Variants in WDFY3 observed in about 807,000 individuals in gnomAD.
The protein encoded by WDFY3 is WD repeat and FYVE domain-containing protein 3.
Under a neutral mutation model 409.6 loss-of-function variants are expected in WDFY3, and 66 were observed. The observed-to-expected ratio is 0.16, with a 90% CI of 0.13 to 0.20. WDFY3 has a LOEUF of 0.20. Ranked by LOEUF, WDFY3 falls within the 10% of genes least tolerant of loss-of-function variation. The pLI, the probability that WDFY3 is intolerant of heterozygous loss-of-function variation, is 1.00. For missense variants in WDFY3, 3,031 were observed against 4,298.1 expected (o/e 0.71, Z 8.24); for synonymous variants, 1,521 against 1,537.1 (o/e 0.99, Z 0.25).
intron 6 of WDFY3, among the ~76,000 whole-genome samples, chr4:84,839,745 C>T (rs977606142): frequency 6.6e-6 from 1 of 151,984 alleles, no homozygotes; most frequent in Non-Finnish European, 1.5e-5. Context: ...GTAATCCCAG[C>T]TACTCGGGAG....
At chr4:84,871,218 C>T (rs1454241326) in intron 3 of WDFY3, among the ~76,000 whole-genome samples, 1 of 151,986 alleles carries the variant, frequency 6.6e-6, no homozygotes, top group Non-Finnish European at 1.5e-5. Context: ...ATCATGGAAG[C>T]ATGATGAGGT....
rs370699634 is a variant in WDFY3, at chr4:84,909,579, AT to A, written c.-131-12570del. ...AAATAACCTAAATACAGTCATTCAT[AT>A]TTGGCTTAGGAGTCTCACTGCCAGC... On this transcript the variant is annotated intron_variant, in intron 2 of 67. Coordinates refer to ENST00000295888, the MANE Select transcript of WDFY3 (RefSeq NM_014991.6). Among the ~76,000 whole-genome samples, 802 of 152,262 alleles carry A rather than the reference AT, an allele frequency of 5.3e-3. 9 individuals are homozygous for A. Among genetic ancestry groups the A allele is most frequent in the African/African-American group, 0.018 (755 of 41,578 alleles).
chr4:84,873,031 T>C (rs1041107075), intron 3 of WDFY3, among the ~76,000 whole-genome samples: 1 of 152,092 alleles, frequency 6.6e-6, no homozygotes, highest in African/African-American at 2.4e-5. Flanking sequence ...TATAAAAATA[T>C]GTAGGGCAAA....
At chr4:84,833,560 G>A (rs1200277427) in intron 7 of WDFY3, among the ~76,000 whole-genome samples, 3 of 152,044 alleles carry the variant, frequency 2.0e-5, no homozygotes, top group African/African-American at 4.8e-5. Context: ...AGGCTGAAAT[G>A]AGAGGATCAC....
chr4:84,778,795 T>C, intron 26 of WDFY3, 140 bp from the exon 27 acceptor site: 1 of 705,866 alleles, frequency 1.4e-6, no homozygotes, highest in Non-Finnish European at 2.0e-6. Context: ...ATGTAGATGA[T>C]TTTCTGAGAT....
intron 2 of WDFY3, among the ~76,000 whole-genome samples, chr4:84,907,742 G>A (rs1440878479): frequency 7.9e-6 from 1 of 127,262 alleles, no homozygotes; most frequent in East Asian, 2.3e-4. Context: ...GCCTACTATG[G>A]CCCAGTCACT....
chr4:84,687,025 G>A (rs1728437995), intron 62 of WDFY3, among the ~76,000 whole-genome samples: 1 of 152,080 alleles, frequency 6.6e-6, no homozygotes. Context: ...GATAACTTCT[G>A]GATCTGTTTT....
intron 52 of WDFY3, 42 bp from the exon 53 acceptor site, chr4:84,709,070 T>C (rs972014634): frequency 6.2e-7 from 1 of 1,607,434 alleles, no homozygotes; most frequent in African/African-American, 1.3e-5. Flanking sequence ...ATCGATTATT[T>C]CCACTATGTT....
intron 44 of WDFY3, among the ~76,000 whole-genome samples, chr4:84,728,807 T>C (rs1736095659): frequency 6.6e-6 from 1 of 152,192 alleles, no homozygotes; most frequent in Non-Finnish European, 1.5e-5. Context: ...ATACCAATAA[T>C]TTTAGCATTA....
intron 6 of WDFY3, among the ~76,000 whole-genome samples, chr4:84,838,502 A>G (rs1756898427): frequency 2.6e-5 from 4 of 152,338 alleles, no homozygotes; most frequent in Admixed American, 2.0e-4. Flanking sequence ...GTGGTAATAC[A>G]GATCATAAAT....
intron 19 of WDFY3, 149 bp downstream of exon 19, chr4:84,796,372 A>T (rs2149591563): frequency 2.1e-6 from 1 of 473,324 alleles, no homozygotes; most frequent in East Asian, 3.5e-5. Context: ...GTAATCTTAA[A>T]ATAGCATGCT....
At chr4:84,798,748 T>C (rs996603846) in intron 17 of WDFY3, among the ~76,000 whole-genome samples, 2 of 152,176 alleles carry the variant, frequency 1.3e-5, no homozygotes, top group African/African-American at 4.8e-5. Context: ...TATTTTACTA[T>C]TCCTAAAACA....
intron 5 of WDFY3, among the ~76,000 whole-genome samples, chr4:84,847,471 G>C: frequency 6.6e-6 from 1 of 151,688 alleles, no homozygotes; most frequent in African/African-American, 2.4e-5. Context: ...AAATCTGAAA[G>C]AAAAACAAGA....
chr4:84,854,830 A>G (rs983057023), intron 4 of WDFY3, among the ~76,000 whole-genome samples: 4 of 152,120 alleles, frequency 2.6e-5, no homozygotes, highest in Admixed American at 2.6e-4. Context: ...AATAGCTTGA[A>G]CCTGGGAGGT....
intron 44 of WDFY3, among the ~76,000 whole-genome samples, chr4:84,731,040 A>G (rs950574445): frequency 2.0e-5 from 3 of 152,046 alleles, no homozygotes; most frequent in South Asian, 4.1e-4. Flanking sequence ...CAGGTGATCC[A>G]CCTGCCTCGG....
chr4:84,867,636 T>C (rs1055843698), intron 3 of WDFY3, among the ~76,000 whole-genome samples: 1 of 152,184 alleles, frequency 6.6e-6, no homozygotes, highest in Non-Finnish European at 1.5e-5. Context: ...TCACCCAAAA[T>C]CATTTAAACA....
At chr4:84,873,931 C>T (rs1762442825) in intron 3 of WDFY3, among the ~76,000 whole-genome samples, 1 of 151,974 alleles carries the variant, frequency 6.6e-6, no homozygotes, top group Non-Finnish European at 1.5e-5. Context: ...CAGGCATGCA[C>T]AGCCACGCCT....
At chr4:84,890,286 G>A (rs938272317) in intron 3 of WDFY3, among the ~76,000 whole-genome samples, 1 of 152,050 alleles carries the variant, frequency 6.6e-6, no homozygotes, top group African/African-American at 2.4e-5. Flanking sequence ...TTTTTGTAGA[G>A]ACAGAGTTTC....
In WDFY3 at chr4:84,785,991, G is replaced by C. The variant is rs754520145; in HGVS notation, c.4050C>G (p.Ala1350=). Residue 1350 remains alanine, a synonymous_variant, in exon 24 of 68, where the codon GCC becomes GCG. Coordinates refer to ENST00000295888, the MANE Select transcript of WDFY3 (RefSeq NM_014991.6). ...RKVYNKLDSK[A]IAKQLGISSH... is the part of the protein sequence containing the mutation. The stretch of plus-strand genomic sequence containing the variant: ...TCATTCTGCTTACCTGCTTAGCAAT[G>C]GCTTTGCTATCCAATTTGTTATACA... 6 of 1,613,690 alleles carry C rather than the reference G, an allele frequency of 3.7e-6. No individual in the cohort carries two copies. The African/African-American group carries it at 8.0e-5, about 22-fold the overall frequency.
Sources: gnomAD v4.1 joint callset for allele counts (sites outside exome capture counted in the v4.1 genomes callset) on GRCh38, gnomAD v4.1.1 for gene constraint, MANE v1.5 for transcripts, NCBI Gene and HGNC (gene_info 2026-07-23, HGNC 2026-07-21) for gene names.